KLHL2: variants seen among roughly 807,000 people sequenced by gnomAD.
The protein encoded by KLHL2 is kelch like family member 2.
In KLHL2, 15 loss-of-function variants were observed where a neutral mutation model predicts 75.8. The observed-to-expected ratio is 0.20, with a 90% CI of 0.13 to 0.30. The LOEUF (loss-of-function observed/expected upper bound fraction) is 0.30, where lower values mean the gene tolerates loss of function less well. Among genes scored for constraint, KLHL2 ranks in the 10% least tolerant of loss-of-function variants. The probability of loss-of-function intolerance (pLI) is 1.00; values close to 1 mark genes in which losing one functional copy is unlikely to be tolerated. For synonymous variants in KLHL2, 214 were observed against 251.9 expected, an observed-to-expected ratio of 0.85 and a Z score of 1.42; for missense variants, 381 against 741.0, an observed-to-expected ratio of 0.51 and a Z score of 5.64.
chr4:165,274,375 C>T (rs185769492), intron 5 of KLHL2, among the ~76,000 whole-genome samples: 61 of 151,950 alleles, frequency 4.0e-4, no homozygotes, highest in African/African-American at 1.4e-3. Flanking sequence ...TTTGGGAGGC[C>T]GAGGCAGGCA....
intron 3 of KLHL2, among the ~76,000 whole-genome samples, chr4:165,234,648 G>A (rs2111072451): frequency 7.7e-6 from 1 of 130,262 alleles, no homozygotes. Context: ...ATGGAGTCTC[G>A]CTCTGTACCA....
chr4:165,302,151 G>A (rs528082835), intron 8 of KLHL2, among the ~76,000 whole-genome samples: 1 of 152,258 alleles, frequency 6.6e-6, no homozygotes, highest in South Asian at 2.1e-4. Context: ...TTGCTGGATA[G>A]CAGTGAGCAG....
intron 13 of KLHL2, among the ~76,000 whole-genome samples, chr4:165,317,385 CAG>C (rs1746665317): frequency 6.8e-6 from 1 of 147,684 alleles, no homozygotes; most frequent in South Asian, 2.1e-4. Context: ...TTTTTGGAGA[CAG>C]AGTCTCACTC....
At chr4:165,287,883 T>C (rs773556968) in intron 5 of KLHL2, among the ~76,000 whole-genome samples, 26 of 152,172 alleles carry the variant, frequency 1.7e-4, no homozygotes, top group Non-Finnish European at 3.4e-4. Context: ...TGTTGTTGAG[T>C]TGTAGGAGAT....
chr4:165,297,562 A>G (rs780431434), intron 6 of KLHL2, 47 bp from the exon 7 acceptor site: 1 of 1,112,466 alleles, frequency 9.0e-7, no homozygotes, highest in African/African-American at 1.5e-5. Context: ...AGATGCCTTG[A>G]TACACAACTC....
At chr4:165,212,795 A>G (rs1046167730) in intron 1 of KLHL2, among the ~76,000 whole-genome samples, 20 of 152,150 alleles carry the variant, frequency 1.3e-4, no homozygotes, top group Non-Finnish European at 2.8e-4. Context: ...GTCTTGCATG[A>G]CTTCTCTTCT....
intron 3 of KLHL2, among the ~76,000 whole-genome samples, chr4:165,231,036 A>G (rs1418685778): frequency 2.6e-5 from 4 of 152,226 alleles, no homozygotes; most frequent in South Asian, 2.1e-4. Context: ...TTAGATTGCT[A>G]TGCGCTAAAG....
chr4:165,248,610 A>G (rs1258736129), intron 4 of KLHL2, among the ~76,000 whole-genome samples: 1 of 152,212 alleles, frequency 6.6e-6, no homozygotes, highest in South Asian at 2.1e-4. Flanking sequence ...GTGGATGGTG[A>G]TCAACTAGTG....
At chr4:165,295,243 T>TC (rs1744822003) in intron 6 of KLHL2, among the ~76,000 whole-genome samples, 1 of 152,200 alleles carries the variant, frequency 6.6e-6, no homozygotes, top group Non-Finnish European at 1.5e-5. Context: ...AACTTGAGTT[T>TC]CTCCTTTGTG....
intron 2 of KLHL2, among the ~76,000 whole-genome samples, 195 bp downstream of exon 2, chr4:165,220,254 T>C (rs981400866): frequency 2.6e-5 from 4 of 152,126 alleles, no homozygotes; most frequent in African/African-American, 9.7e-5. Context: ...GCTCCTCTAT[T>C]AGTGTGGTAG....
chr4:165,317,780 A>T, intron 13 of KLHL2, 46 bp from the exon 14 acceptor site: 3 of 1,498,634 alleles, frequency 2.0e-6, no homozygotes, highest in Non-Finnish European at 2.8e-6. Flanking sequence ...ACTCATATTC[A>T]TCCCAATTTT....
At chr4:165,250,951 C>T (rs879620062) in intron 4 of KLHL2, among the ~76,000 whole-genome samples, 12 of 152,156 alleles carry the variant, frequency 7.9e-5, no homozygotes, top group Non-Finnish European at 1.3e-4. Context: ...GATTTAGAAT[C>T]ACCTGTTCCA....
At chr4:165,232,761 A>G (rs1423544966) in intron 3 of KLHL2, among the ~76,000 whole-genome samples, 1 of 152,124 alleles carries the variant, frequency 6.6e-6, no homozygotes, top group South Asian at 2.1e-4. Flanking sequence ...TGAAAAAGAA[A>G]AAAAGAAGAC....
intron 4 of KLHL2, among the ~76,000 whole-genome samples, chr4:165,250,921 TA>T (rs1740651602): frequency 1.3e-5 from 2 of 152,234 alleles, no homozygotes; most frequent in African/African-American, 4.8e-5. Flanking sequence ...CGGGTGATTG[TA>T]GTACCATGCT....
intron 5 of KLHL2, 37 bp downstream of exon 5, chr4:165,263,396 A>G: frequency 6.2e-7 from 1 of 1,602,234 alleles, no homozygotes; most frequent in African/African-American, 1.3e-5. Context: ...TTGGGAGGAA[A>G]CTGCTTGGTT....
intron 1 of KLHL2, among the ~76,000 whole-genome samples, chr4:165,214,319 C>T (rs1737390701): frequency 1.3e-5 from 2 of 152,110 alleles, no homozygotes; most frequent in South Asian, 4.1e-4. Context: ...TATTTTAGCA[C>T]CTCACAAATA....
intron 5 of KLHL2, among the ~76,000 whole-genome samples, chr4:165,273,794 C>T (rs1232917605): frequency 1.3e-5 from 2 of 152,198 alleles, no homozygotes; most frequent in Admixed American, 1.3e-4. Flanking sequence ...CAGACTAATA[C>T]GCAATTGTTC....
Position 165,298,069 on chromosome 4 carries a change from C to T in KLHL2, c.771+344C>T, listed in dbSNP as rs148598099. On this transcript the variant is annotated intron_variant, in intron 7 of 14. Coordinates refer to ENST00000226725, the MANE Select transcript of KLHL2 (RefSeq NM_007246.4). ...AACTCCTGACCTCAAGTGATCTACC[C>T]GCCTCGGCCTCCCAAACTACTGGGA... is the stretch of plus-strand genomic sequence containing the variant. Among the ~76,000 whole-genome samples the T allele has an allele frequency of 3.1e-3, 478 of 152,294 alleles. 2 individuals are homozygous for T. Among genetic ancestry groups the T allele is most frequent in the Non-Finnish European group, 4.9e-3 (331 of 68,020 alleles).
chr4:165,289,368 AAGG>A (rs1173674113), intron 5 of KLHL2, among the ~76,000 whole-genome samples: 1 of 152,134 alleles, frequency 6.6e-6, no homozygotes, highest in Non-Finnish European at 1.5e-5. Context: ...AAATTTTTCT[AAGG>A]AGGAGGGATT....
Sources: allele counts gnomAD v4.1 joint callset (sites outside exome capture counted in the v4.1 genomes callset), GRCh38; gene constraint gnomAD v4.1.1; transcripts MANE v1.5; gene names NCBI Gene and HGNC (gene_info 2026-07-23, HGNC 2026-07-21).